The following TBL1XR1 variants were observed in gnomAD, a reference collection of about 807,000 sequenced individuals.
The protein encoded by TBL1XR1 is TBL1X/Y related 1.
Under a neutral mutation model 66.9 loss-of-function variants are expected in TBL1XR1, and 5 were observed. The observed-to-expected ratio is 0.07, with a 90% CI of 0.04 to 0.16. The LOEUF (loss-of-function observed/expected upper bound fraction) is 0.16, where lower values mean the gene tolerates loss of function less well. TBL1XR1 is among the 10% of genes least tolerant of loss of function. The pLI is 1.00. For synonymous variants in TBL1XR1, 210 were observed against 206.0 expected, an observed-to-expected ratio of 1.02 and a Z score of -0.17; for missense variants, 238 against 623.2, an observed-to-expected ratio of 0.38 and a Z score of 6.58.
chr3:177,146,585 A>G (rs1730275711), intron 1 of TBL1XR1, among the ~76,000 whole-genome samples: 1 of 137,140 alleles, frequency 7.3e-6, no homozygotes, highest in African/African-American at 2.8e-5. Context: ...GCGAGACTCC[A>G]TCTCAAAAAA....
chr3:177,141,812 T>A (rs993765937), intron 1 of TBL1XR1, among the ~76,000 whole-genome samples: 29 of 152,318 alleles, frequency 1.9e-4, no homozygotes, highest in African/African-American at 6.3e-4. Flanking sequence ...GCAACCAAAG[T>A]GTCCATCAAC....
intron 1 of TBL1XR1, among the ~76,000 whole-genome samples, chr3:177,155,903 G>A (rs1287611802): frequency 6.6e-6 from 1 of 151,980 alleles, no homozygotes; most frequent in East Asian, 1.9e-4. Flanking sequence ...CAGCTACTCG[G>A]GAGGCTGAGG....
chr3:177,122,588 TCA>T (rs1727106686), intron 1 of TBL1XR1, among the ~76,000 whole-genome samples: 1 of 152,170 alleles, frequency 6.6e-6, no homozygotes, highest in African/African-American at 2.4e-5. Flanking sequence ...TGTTGGAAAT[TCA>T]GTTTTACTGG....
chr3:177,043,376 T>C (rs1715867428), intron 10 of TBL1XR1, among the ~76,000 whole-genome samples: 1 of 152,154 alleles, frequency 6.6e-6, no homozygotes, highest in African/African-American at 2.4e-5. Flanking sequence ...AAATGTTTTG[T>C]TGAATTGACT....
intron 1 of TBL1XR1, among the ~76,000 whole-genome samples, chr3:177,128,801 C>T (rs1320293498): frequency 6.6e-6 from 1 of 152,182 alleles, no homozygotes; most frequent in Admixed American, 6.5e-5. Context: ...TGTTGAATGT[C>T]ATGAAATATC....
chr3:177,100,861 G>GTTT lies in TBL1XR1; in HGVS notation c.-121-2323_-121-2321dup, dbSNP rs1313182694. Reference sequence around the variant, plus strand: ...GGCTCTGCTATTTTCTTTTTCTTTGGTTTTTTTTTTCTTTGAGACGGAGTC... The same window carrying GTTT: ...GGCTCTGCTATTTTCTTTTTCTTTGGTTTTTTTTTTTTTCTTTGAGACGGAGTC... On this transcript the variant is annotated intron_variant, in intron 1 of 15. Transcript: ENST00000457928. 1.8e-3 allele frequency among the ~76,000 whole-genome samples: 242 copies of GTTT among 130,932 alleles called. 1 individual carries two copies. The highest frequency in any genetic ancestry group is 4.4e-3 in the African/African-American group (163 of 37,470). The allele number at this position is 130,932 out of a possible 152,430, so 85.9% of individuals were successfully genotyped here.
intron 1 of TBL1XR1, among the ~76,000 whole-genome samples, chr3:177,188,262 C>T (rs1735689506): frequency 6.6e-6 from 1 of 151,142 alleles, no homozygotes; most frequent in African/African-American, 2.4e-5. Context: ...AAAAGAATTA[C>T]TGTCCAGGCA....
At chr3:177,059,805 A>G (rs1049986113) in intron 3 of TBL1XR1, among the ~76,000 whole-genome samples, 3 of 152,228 alleles carry the variant, frequency 2.0e-5, no homozygotes, top group African/African-American at 7.2e-5. Flanking sequence ...TCAGTGGACT[A>G]GAAGAGGTAG....
intron 1 of TBL1XR1, among the ~76,000 whole-genome samples, chr3:177,178,823 T>C (rs1734458736): frequency 6.6e-6 from 1 of 152,028 alleles, no homozygotes; most frequent in Non-Finnish European, 1.5e-5. Context: ...TTTTCTTTTA[T>C]AACCTGATTA....
chr3:177,168,260 T>A (rs1327957291), intron 1 of TBL1XR1, among the ~76,000 whole-genome samples: 4 of 150,616 alleles, frequency 2.7e-5, no homozygotes, highest in Non-Finnish European at 5.9e-5. Context: ...AGAATCAACA[T>A]GGAAGAAAAC....
At chr3:177,098,376 T>C (rs963189396) in intron 2 of TBL1XR1, 90 bp downstream of exon 2, 6 of 728,424 alleles carry the variant, frequency 8.2e-6, no homozygotes, top group Non-Finnish European at 1.0e-5. Context: ...ACATGTATTT[T>C]GTCAAATTGT....
chr3:177,118,163 T>C (rs567709508), intron 1 of TBL1XR1, among the ~76,000 whole-genome samples: 1 of 152,202 alleles, frequency 6.6e-6, no homozygotes, highest in Non-Finnish European at 1.5e-5. Context: ...AAGAAACTAG[T>C]TCTATTCCAT....
At chr3:177,108,912 A>G (rs1385404284) in intron 1 of TBL1XR1, among the ~76,000 whole-genome samples, 1 of 152,186 alleles carries the variant, frequency 6.6e-6, no homozygotes, top group Non-Finnish European at 1.5e-5. Flanking sequence ...GCTAATGTTC[A>G]CCAAGCAGCG....
At chr3:177,109,235 A>AAATGAAATTG in intron 1 of TBL1XR1, among the ~76,000 whole-genome samples, 1 of 152,196 alleles carries the variant, frequency 6.6e-6, no homozygotes, top group South Asian at 2.1e-4. Context: ...AATTGAACAT[A>AAATGAAATTG]AACTGAATAT....
At chr3:177,033,988 T>C (rs561214381) in intron 13 of TBL1XR1, among the ~76,000 whole-genome samples, 3 of 151,676 alleles carry the variant, frequency 2.0e-5, no homozygotes, top group African/African-American at 7.3e-5. Flanking sequence ...CTGGGTACAC[T>C]ACACTGCTTG....
At chr3:177,072,406 G>T (rs1245112156) in intron 2 of TBL1XR1, among the ~76,000 whole-genome samples, 2 of 149,830 alleles carry the variant, frequency 1.3e-5, no homozygotes, top group African/African-American at 4.9e-5. Context: ...TCACACCTTA[G>T]TATTACGAAT....
At chr3:177,103,504 A>C (rs1024639446) in intron 1 of TBL1XR1, among the ~76,000 whole-genome samples, 8 of 152,244 alleles carry the variant, frequency 5.3e-5, no homozygotes, top group African/African-American at 1.9e-4. Flanking sequence ...GACATCTTCT[A>C]AGATCTGCCA....
chr3:177,101,142 C>A (rs996219318), intron 1 of TBL1XR1, among the ~76,000 whole-genome samples: 1 of 151,012 alleles, frequency 6.6e-6, no homozygotes, highest in Non-Finnish European at 1.5e-5. Flanking sequence ...CAGGCGTGAG[C>A]CACCATGCCC....
At chr3:177,062,465 C>G (rs887903412) in intron 3 of TBL1XR1, among the ~76,000 whole-genome samples, 2 of 152,194 alleles carry the variant, frequency 1.3e-5, no homozygotes, top group Non-Finnish European at 2.9e-5. Flanking sequence ...GCTCAAACTT[C>G]AGAATTCTTA....
Sources: allele counts gnomAD v4.1 joint callset (sites outside exome capture counted in the v4.1 genomes callset), GRCh38; gene constraint gnomAD v4.1.1; transcripts MANE v1.5; gene names NCBI Gene and HGNC (gene_info 2026-07-23, HGNC 2026-07-21).